The following CNTNAP5 variants were observed in gnomAD, a reference collection of about 807,000 sequenced individuals.
CNTNAP5 encodes the protein contactin associated protein family member 5.
In CNTNAP5, 72 loss-of-function variants were observed where a neutral mutation model predicts 150.2. The observed-to-expected ratio is 0.48, with a 90% CI of 0.40 to 0.58. The LOEUF is 0.58. Ranked by LOEUF, CNTNAP5 falls within the 20% of genes least tolerant of loss-of-function variation. CNTNAP5 has a pLI of 0.00. For missense variants in CNTNAP5, 1,636 were observed against 1,626.2 expected, an observed-to-expected ratio of 1.01 and a Z score of -0.10; for synonymous variants, 672 against 619.8, an observed-to-expected ratio of 1.08 and a Z score of -1.25.
intron 1 of CNTNAP5, among the ~76,000 whole-genome samples, chr2:124,154,743 TGGGATGAATGCAGCCTCAA>T (rs1425653048): frequency 9.2e-5 from 14 of 152,212 alleles, no homozygotes; most frequent in South Asian, 2.1e-4. Flanking sequence ...TAATGACCAA[TGGGATGAATGCAGCCTCAA>T]GGGATGAATG....
chr2:124,434,643 C>T lies in CNTNAP5; in HGVS notation c.689C>T (p.Thr230Ile), dbSNP rs1470268921. Residue 230 changes from threonine to isoleucine, a missense_variant, in exon 5 of 24, where the codon ACC (threonine) becomes ATC (isoleucine). Thr to Ile is a moderately conservative substitution (Grantham distance 89). Transcript: ENST00000682447. ...HGEGQRGDHI[T>I]LELQKGRLAL... ...GAAGGTCAGCGTGGAGACCACATCA[C>T]CTTGGAACTCCAGAAGGGGAGGCTC... The T allele has an allele frequency of 1.9e-6, 3 of 1,613,520 alleles. No homozygotes were observed. The highest frequency in any genetic ancestry group is 2.5e-6 in the Non-Finnish European group (3 of 1,179,776).
chr2:124,782,113 C>T (rs1181075872), intron 17 of CNTNAP5, among the ~76,000 whole-genome samples: 1 of 151,634 alleles, frequency 6.6e-6, no homozygotes, highest in African/African-American at 2.4e-5. Flanking sequence ...TGCAGTTTTC[C>T]CCTTTCCGTC....
chr2:124,541,960 C>T (rs929664273), intron 10 of CNTNAP5, among the ~76,000 whole-genome samples: 1 of 152,140 alleles, frequency 6.6e-6, no homozygotes, highest in Non-Finnish European at 1.5e-5. Context: ...TAGAATTATC[C>T]TAAATGTAGA....
chr2:124,367,242 A>G (rs1309576664), intron 3 of CNTNAP5, among the ~76,000 whole-genome samples: 1 of 152,226 alleles, frequency 6.6e-6, no homozygotes, highest in Non-Finnish European at 1.5e-5. Context: ...CTATTAGTCC[A>G]TTCTCATGGT....
At chr2:124,647,689 A>G (rs1678231896) in intron 12 of CNTNAP5, 69 bp from the exon 13 acceptor site, 20 of 1,433,512 alleles carry the variant, frequency 1.4e-5, no homozygotes, top group Non-Finnish European at 1.9e-5. Context: ...GGCCCATCAC[A>G]CTGCTCACAT....
intron 1 of CNTNAP5, among the ~76,000 whole-genome samples, chr2:124,183,618 C>CAGATAAAGCACAGTT (rs1227844174): frequency 6.6e-6 from 1 of 152,166 alleles, no homozygotes. Flanking sequence ...ATTTGGCAAA[C>CAGATAAAGCACAGTT]AGATAAAGCA....
At chr2:124,027,014 A>G (rs1680911151) in intron 1 of CNTNAP5, among the ~76,000 whole-genome samples, 1 of 152,226 alleles carries the variant, frequency 6.6e-6, no homozygotes, top group Non-Finnish European at 1.5e-5. Context: ...CAGCATCTAT[A>G]GTTAGTCATA....
In CNTNAP5 at chr2:124,170,667, G is replaced by A. The variant is rs1449534114; in HGVS notation, c.83-51038G>A. ...GAGACAGCCAAGGTGGCGGCCATGGGCCACGGTGAGCTGTGTCAGCCTTTC... is the reference window on the plus strand; with the variant it reads ...GAGACAGCCAAGGTGGCGGCCATGGACCACGGTGAGCTGTGTCAGCCTTTC... On this transcript the variant is annotated intron_variant, in intron 1 of 23. Transcript: ENST00000682447. Among the ~76,000 whole-genome samples the A allele has an allele frequency of 2.6e-5, 4 of 152,226 alleles. No homozygotes were observed. The East Asian group carries it at 7.7e-4, about 29-fold the overall frequency.
chr2:124,436,860 A>G (rs1692543053), intron 5 of CNTNAP5, among the ~76,000 whole-genome samples: 1 of 152,148 alleles, frequency 6.6e-6, no homozygotes. Context: ...CTGTCTCTGC[A>G]GCTTTTCCCT....
chr2:124,755,970 T>C (rs1478067215), intron 14 of CNTNAP5, among the ~76,000 whole-genome samples: 2 of 152,204 alleles, frequency 1.3e-5, no homozygotes, highest in Non-Finnish European at 2.9e-5. Context: ...GGTTTCTAAT[T>C]TATTTTTTAA....
At chr2:124,268,833 T>C (rs965507013) in intron 3 of CNTNAP5, among the ~76,000 whole-genome samples, 2 of 152,134 alleles carry the variant, frequency 1.3e-5, no homozygotes, top group Non-Finnish European at 2.9e-5. Flanking sequence ...GGCCCACAAG[T>C]GAGCTTAGAG....
At chr2:124,038,924 T>C (rs1291360453) in intron 1 of CNTNAP5, among the ~76,000 whole-genome samples, 4 of 152,204 alleles carry the variant, frequency 2.6e-5, no homozygotes, top group African/African-American at 9.6e-5. Context: ...ACACTGGGTG[T>C]GCCCCACCTG....
At chr2:124,028,985 G>T (rs886351374) in intron 1 of CNTNAP5, among the ~76,000 whole-genome samples, 7 of 152,044 alleles carry the variant, frequency 4.6e-5, no homozygotes, top group Non-Finnish European at 1.0e-4. Context: ...CACATATGGG[G>T]TCACTATTAA....
chr2:124,747,619 T>C (rs1391326012), intron 14 of CNTNAP5, among the ~76,000 whole-genome samples: 11 of 121,186 alleles, frequency 9.1e-5, no homozygotes, highest in African/African-American at 3.5e-4. Flanking sequence ...TTCTTCTTTT[T>C]TTTTTTTTTT....
At position 124,764,300 on chromosome 2, in the gene CNTNAP5, A is replaced by T. The variant is rs571788649; in HGVS notation, c.2533+153A>T. 2.0e-5 allele frequency among the ~76,000 whole-genome samples: 3 copies of T among 152,196 alleles called. No homozygotes were observed. The East Asian group carries it at 5.8e-4, about 29-fold the overall frequency. The stretch of plus-strand genomic sequence containing the variant: ...CAGTGATAATGTCTAGTTCCTTCTG[A>T]TGCTTTATGATTTTTTATGACCTGT... On this transcript the variant is annotated intron_variant, in intron 16 of 23. Transcript: ENST00000682447.
chr2:124,240,746 G>T (rs531091105), intron 2 of CNTNAP5, among the ~76,000 whole-genome samples: 11 of 152,132 alleles, frequency 7.2e-5, no homozygotes, highest in African/African-American at 2.2e-4. Context: ...ACCACAATTT[G>T]CAAGATGTGC....
At position 124,707,064 on chromosome 2, in the gene CNTNAP5, GGAAGAGGAAGAAGAA is replaced by G. The variant is rs1304317891; in HGVS notation, c.2078-40132_2078-40118del. On this transcript the variant is annotated intron_variant, in intron 13 of 23. Coordinates refer to ENST00000682447, the MANE Select transcript of CNTNAP5 (RefSeq NM_001367498.1). The stretch of plus-strand genomic sequence containing the variant: ...AAGGAGGAGGAGGAGGAGGAGGAGA[GGAAGAGGAAGAAGAA>G]GAAGAGGAAGAAGAAGAAGAGGAAG... 2.5e-3 allele frequency among the ~76,000 whole-genome samples: 245 copies of G among 97,258 alleles called. 11 individuals carry two copies. Among genetic ancestry groups the G allele is most frequent in the African/African-American group, 8.8e-3 (214 of 24,260 alleles). The allele number at this position is 97,258 out of a possible 152,430, so 63.8% of individuals were successfully genotyped here. A position where few individuals can be genotyped will look rare whatever the true frequency, so the allele number is the denominator to read the frequency against.
intron 12 of CNTNAP5, among the ~76,000 whole-genome samples, chr2:124,645,814 T>C (rs1174401360): frequency 6.6e-6 from 1 of 152,156 alleles, no homozygotes; most frequent in Non-Finnish European, 1.5e-5. Flanking sequence ...GGTGATGGCA[T>C]CTATCATCAG....
chr2:124,918,620 C>T lies in CNTNAP5; in HGVS notation c.*4332C>T, dbSNP rs576699450. Among the ~76,000 whole-genome samples, 149 of 152,174 alleles carry T rather than the reference C, an allele frequency of 9.8e-4. No individual in the cohort carries two copies. Among genetic ancestry groups the T allele is most frequent in the Non-Finnish European group, 1.5e-3 (100 of 67,962 alleles). On this transcript the variant is annotated 3_prime_UTR_variant, in exon 24 of 24. Coordinates refer to ENST00000682447, the MANE Select transcript of CNTNAP5 (RefSeq NM_001367498.1). ...GTCTTGACAGACTGTTCACCAACTGCCCTAGCTTCCTTTAAGCTTCCCCAT... is the reference window on the plus strand; with the variant it reads ...GTCTTGACAGACTGTTCACCAACTGTCCTAGCTTCCTTTAAGCTTCCCCAT...
Sources: gnomAD v4.1 joint callset for allele counts (sites outside exome capture counted in the v4.1 genomes callset) on GRCh38, gnomAD v4.1.1 for gene constraint, MANE v1.5 for transcripts, NCBI Gene and HGNC (gene_info 2026-07-23, HGNC 2026-07-21) for gene names.